Variants in NFIB observed in about 807,000 individuals in gnomAD.
The protein encoded by NFIB is nuclear factor I B, also known as nuclear factor 1 B-type.
In NFIB, 11 loss-of-function variants were observed where a neutral mutation model predicts 61.5. The ratio of observed to expected loss-of-function variants is 0.18; its 90% CI spans 0.11 to 0.30. NFIB has a LOEUF of 0.30. Ranked by LOEUF, NFIB falls within the 10% of genes least tolerant of loss-of-function variation. The pLI, the probability that NFIB is intolerant of heterozygous loss-of-function variation, is 1.00. For synonymous variants in NFIB, 260 were observed against 216.5 expected (o/e 1.20, Z -1.76); for missense variants, 471 against 608.9 (o/e 0.77, Z 2.38).
chr9:14,468,471 TG>T, the NFIB span, among the ~76,000 whole-genome samples: 2 of 152,210 alleles, frequency 1.3e-5, no homozygotes, highest in Non-Finnish European at 2.9e-5. Flanking sequence ...CTTTGTTAGC[TG>T]GTACCCAGGT....
intron 3 of NFIB, among the ~76,000 whole-genome samples, chr9:14,174,696 G>A (rs949104710): frequency 1.3e-5 from 2 of 150,884 alleles, no homozygotes; most frequent in South Asian, 2.1e-4. Flanking sequence ...GAACCCGGGA[G>A]GCAGAGGTTG....
the NFIB span, among the ~76,000 whole-genome samples, chr9:14,408,106 T>A: frequency 2.0e-5 from 3 of 152,196 alleles, no homozygotes; most frequent in African/African-American, 7.2e-5. Flanking sequence ...AATTGCCAAT[T>A]ATGTTAGCTC....
chr9:14,398,654 G>T lies in NFIB; in HGVS notation c.-23C>A, dbSNP rs1188199537. 2.7e-6 allele frequency: 4 copies of T among 1,480,546 alleles called. No homozygotes were observed. The Admixed American group carries it at 6.2e-5, about 23-fold the overall frequency. 91.7% of individuals were successfully genotyped at this position (1,480,546 alleles called of 1,614,324 possible). A position where few individuals can be genotyped will look rare whatever the true frequency, so the allele number is the denominator to read the frequency against. On this transcript the variant is annotated 5_prime_UTR_variant, in exon 1 of 9. Coordinates refer to the NFIB transcript ENST00000380934. ...CATACTCCGAACGGATTCCCGACAAGAAGCCTGTAGGCTCTGCTTCTGCCA... is the reference window on the plus strand; with the variant it reads ...CATACTCCGAACGGATTCCCGACAATAAGCCTGTAGGCTCTGCTTCTGCCA...
upstream of NFIB, among the ~76,000 whole-genome samples, chr9:14,399,238 A>C (rs2061718632): frequency 6.6e-6 from 1 of 152,146 alleles, no homozygotes; most frequent in Admixed American, 6.5e-5. Context: ...TACAAGTGTG[A>C]CTCTTGTTTA....
intron 2 of NFIB, among the ~76,000 whole-genome samples, chr9:14,227,963 C>A (rs1264908111): frequency 2.0e-5 from 3 of 152,084 alleles, no homozygotes; most frequent in Non-Finnish European, 4.4e-5. Context: ...TATACTTCAA[C>A]ATCATTTTCA....
chr9:14,438,053 C>A, the NFIB span, among the ~76,000 whole-genome samples: 1 of 150,274 alleles, frequency 6.7e-6, no homozygotes, highest in Non-Finnish European at 1.5e-5. Flanking sequence ...TGCGTGTGCA[C>A]GCATGTGTGT....
chr9:14,131,599 G>A (rs1406701537), intron 6 of NFIB, among the ~76,000 whole-genome samples: 2 of 152,180 alleles, frequency 1.3e-5, no homozygotes, highest in African/African-American at 4.8e-5. Flanking sequence ...TCAGCCCAAG[G>A]CAACAATTTT....
chr9:14,420,169 G>A, the NFIB span, among the ~76,000 whole-genome samples: 9,839 of 151,998 alleles, frequency 0.065, 376 homozygotes, highest in Middle Eastern at 0.11. Flanking sequence ...TTAAAGAGCC[G>A]GGCGTGCTGG....
At chr9:14,390,991 A>C (rs1246751021) in intron 1 of NFIB, among the ~76,000 whole-genome samples, 1 of 152,246 alleles carries the variant, frequency 6.6e-6, no homozygotes, top group African/African-American at 2.4e-5. Flanking sequence ...TGCATATATA[A>C]AGAAATGGGG....
At chr9:14,139,558 CTAAT>C (rs886820577) in intron 6 of NFIB, among the ~76,000 whole-genome samples, 17 of 152,106 alleles carry the variant, frequency 1.1e-4, no homozygotes, top group African/African-American at 4.1e-4. Flanking sequence ...TTTTTTCAAA[CTAAT>C]TATCTATTGT....
intron 2 of NFIB, among the ~76,000 whole-genome samples, chr9:14,239,935 A>G (rs2054179152): frequency 6.6e-6 from 1 of 152,122 alleles, no homozygotes; most frequent in African/African-American, 2.4e-5. Context: ...GGGGATGGTG[A>G]GGATGAAGAG....
rs114540416 is a variant in NFIB, at chr9:14,144,971, T to C, written c.925+1718A>G. Among the ~76,000 whole-genome samples the C allele has an allele frequency of 6.7e-3, 1,017 of 152,280 alleles. 10 individuals are homozygous for C. Among genetic ancestry groups the C allele is most frequent in the African/African-American group, 0.023 (942 of 41,546 alleles). On this transcript the variant is annotated intron_variant, in intron 6 of 10. Coordinates refer to ENST00000380953, the MANE Select transcript of NFIB (RefSeq NM_001190737.2). Reference sequence around the variant, plus strand: ...TGTTGGTGATATGAAAAGATTCCCATTTTTTCCTGAGAGCAGTGGGAATTG... The same window carrying C: ...TGTTGGTGATATGAAAAGATTCCCACTTTTTCCTGAGAGCAGTGGGAATTG...
At chr9:14,375,864 A>G (rs1210929049) in intron 1 of NFIB, among the ~76,000 whole-genome samples, 2 of 152,114 alleles carry the variant, frequency 1.3e-5, no homozygotes, top group Non-Finnish European at 2.9e-5. Flanking sequence ...TCCTTGTCAT[A>G]CTCACATATA....
the NFIB span, among the ~76,000 whole-genome samples, chr9:14,456,473 ACTT>A: frequency 1.3e-5 from 2 of 152,172 alleles, no homozygotes; most frequent in East Asian, 3.8e-4. Context: ...TATCCAAAGA[ACTT>A]CTACAAATCA....
rs34256054 is a variant in NFIB, at chr9:14,147,636, C to CTTT, written c.807-832_807-830dup. Among the ~76,000 whole-genome samples the CTTT allele has an allele frequency of 8.4e-3, 915 of 108,588 alleles. 46 individuals are homozygous for CTTT. Among genetic ancestry groups the CTTT allele is most frequent in the African/African-American group, 0.019 (494 of 26,650 alleles). The allele number at this position is 108,588 out of a possible 152,430, so 71.2% of individuals were successfully genotyped here. A position where few individuals can be genotyped will look rare whatever the true frequency, so the allele number is the denominator to read the frequency against. ...CCAAATTCAAACTTTTAAAATGATACTTTTTTTTTTTTTTTTTTTTTGAGA... is the reference window on the plus strand; with the variant it reads ...CCAAATTCAAACTTTTAAAATGATACTTTTTTTTTTTTTTTTTTTTTTTTGAGA... On this transcript the variant is annotated intron_variant, in intron 5 of 10. Coordinates refer to ENST00000380953, the MANE Select transcript of NFIB (RefSeq NM_001190737.2).
intron 4 of NFIB, among the ~76,000 whole-genome samples, chr9:14,152,765 G>T (rs377065016): frequency 1.8e-4 from 28 of 151,526 alleles, no homozygotes; most frequent in African/African-American, 6.5e-4. Context: ...AGATTATTCC[G>T]CAGTGTCAAG....
intron 2 of NFIB, among the ~76,000 whole-genome samples, chr9:14,295,885 T>A (rs1369112671): frequency 3.9e-5 from 6 of 152,224 alleles, no homozygotes; most frequent in Admixed American, 3.9e-4. Context: ...TTTGATTCCT[T>A]CCCTTCAAAT....
rs1341381508 is a variant in NFIB at position 14,398,890 on chromosome 9, T to C, written c.-259A>G. The C allele has an allele frequency of 5.4e-5, 20 of 369,808 alleles. No homozygotes were observed. In the South Asian group the frequency reaches 1.1e-3, roughly 20 times the overall value. The allele number at this position is 369,808 out of a possible 1,614,324, so 22.9% of individuals were successfully genotyped here. On this transcript the variant is annotated 5_prime_UTR_variant, in exon 1 of 9. Coordinates refer to the NFIB transcript ENST00000380934. The stretch of plus-strand genomic sequence containing the variant: ...CTCCACTAACAGTCTTGCTCCGACA[T>C]GTGAATCTTTTAGATCGGTGTCAGC...
At chr9:14,452,158 T>C in the NFIB span, among the ~76,000 whole-genome samples, 11 of 152,150 alleles carry the variant, frequency 7.2e-5, no homozygotes, top group Non-Finnish European at 1.3e-4. Context: ...TTCGTGTTTC[T>C]AATGAGTAAT....
Sources: gnomAD v4.1 joint callset for allele counts (sites outside exome capture counted in the v4.1 genomes callset) on GRCh38, gnomAD v4.1.1 for gene constraint, MANE v1.5 for transcripts, NCBI Gene and HGNC (gene_info 2026-07-23, HGNC 2026-07-21) for gene names.